Variants in ZDHHC5 observed in about 807,000 individuals in gnomAD.
ZDHHC5 encodes the protein palmitoyltransferase ZDHHC5.
In ZDHHC5, 22 loss-of-function variants were observed where a neutral mutation model predicts 70.0. The observed-to-expected ratio is 0.31, with a 90% CI of 0.22 to 0.45. The LOEUF (loss-of-function observed/expected upper bound fraction) is 0.45, where lower values mean the gene tolerates loss of function less well. Among genes scored for constraint, ZDHHC5 ranks in the 20% least tolerant of loss-of-function variants. The probability of loss-of-function intolerance (pLI) is 1.00; values close to 1 mark genes in which losing one functional copy is unlikely to be tolerated. For missense variants in ZDHHC5, 746 were observed against 926.9 expected (o/e 0.80, Z 2.53); for synonymous variants, 313 against 347.8 (o/e 0.90, Z 1.11).
chr11:57,670,036 A>G (rs1030494293), intron 1 of ZDHHC5, among the ~76,000 whole-genome samples: 2 of 152,222 alleles, frequency 1.3e-5, no homozygotes, highest in Admixed American at 6.5e-5. Flanking sequence ...TACTATGTCA[A>G]TATTAGTCCA....
chr11:57,696,708 T>C, intron 9 of ZDHHC5, 53 bp from the exon 10 acceptor site: 1 of 1,549,006 alleles, frequency 6.5e-7, no homozygotes, highest in African/African-American at 1.4e-5. Context: ...CCCTGTCTCT[T>C]AAACCAAAAA....
intron 7 of ZDHHC5, among the ~76,000 whole-genome samples, chr11:57,692,971 G>A (rs949754463): frequency 1.3e-5 from 2 of 152,094 alleles, no homozygotes; most frequent in African/African-American, 4.8e-5. Flanking sequence ...GATGGGGGCT[G>A]GGGTGGGGTG....
At position 57,668,171 on chromosome 11, in the gene ZDHHC5, G is replaced by C; in HGVS notation, c.-1087G>C. On this transcript the variant is annotated 5_prime_UTR_variant, in exon 1 of 12. Coordinates refer to ENST00000287169, the MANE Select transcript of ZDHHC5 (RefSeq NM_015457.3). ...CGGTGACAACGACGGCGGTGGTGAC[G>C]GGCACCGGGCTCGCGGGTGAGTGCG... 1 of 367,778 alleles carries C rather than the reference G, an allele frequency of 2.7e-6. No individual in the cohort carries two copies. 22.8% of individuals were successfully genotyped at this position (367,778 alleles called of 1,614,324 possible). A position where few individuals can be genotyped will look rare whatever the true frequency, so the allele number is the denominator to read the frequency against.
chr11:57,682,386 A>G, intron 2 of ZDHHC5, 36 bp from the exon 3 acceptor site: 1 of 1,588,150 alleles, frequency 6.3e-7, no homozygotes, highest in Non-Finnish European at 8.6e-7. Flanking sequence ...CCAAAATATT[A>G]GAGGCAACCC....
In ZDHHC5 at chr11:57,692,627, G is replaced by A. The variant is rs772593175; in HGVS notation, c.677G>A (p.Arg226Gln). 1.1e-5 allele frequency: 17 copies of A among 1,613,894 alleles called. No individual in the cohort carries two copies. The highest frequency in any genetic ancestry group is 6.6e-5 in the South Asian group (6 of 91,078). The change falls in exon 7 of 12, where the codon CGG (arginine) becomes CAG (glutamine). Residue 226 changes from arginine (R) to glutamine (Q), a missense_variant. By Grantham distance (43) the Arg-to-Gln change is conservative. Coordinates refer to ENST00000287169, the MANE Select transcript of ZDHHC5 (RefSeq NM_015457.3). ...TTNEQVTGKF[R>Q]GGVNPFTNGC... ...TCCCTCTAGGTTACGGGTAAATTCCGGGGAGGTGTGAACCCCTTCACCAAT... is the reference window on the plus strand; with the variant it reads ...TCCCTCTAGGTTACGGGTAAATTCCAGGGAGGTGTGAACCCCTTCACCAAT...
chr11:57,696,604 G>C (rs930971870), intron 9 of ZDHHC5, among the ~76,000 whole-genome samples, 157 bp from the exon 10 acceptor site: 1 of 152,164 alleles, frequency 6.6e-6, no homozygotes, highest in African/African-American at 2.4e-5. Flanking sequence ...TGCAGTCCCA[G>C]CTACTCAGGA....
At chr11:57,688,800 A>T in intron 4 of ZDHHC5, 135 bp downstream of exon 4, 1 of 942,958 alleles carries the variant, frequency 1.1e-6, no homozygotes, top group Non-Finnish European at 1.4e-6. Context: ...GCTCTGTCAA[A>T]TGGTGTTAAT....
intron 3 of ZDHHC5, among the ~76,000 whole-genome samples, chr11:57,684,477 C>T (rs1185494390): frequency 1.3e-5 from 2 of 152,036 alleles, no homozygotes; most frequent in South Asian, 2.1e-4. Flanking sequence ...CCCAGCTACT[C>T]GGGAGGGTGA....
chr11:57,695,629 ATAAAG>A (rs1192509457), intron 8 of ZDHHC5, among the ~76,000 whole-genome samples: 3 of 151,448 alleles, frequency 2.0e-5, no homozygotes, highest in African/African-American at 7.3e-5. Context: ...TCTCTACAAA[ATAAAG>A]TAAAATAAAT....
intron 2 of ZDHHC5, among the ~76,000 whole-genome samples, chr11:57,674,531 T>C (rs955815589): frequency 2.6e-5 from 4 of 152,114 alleles, no homozygotes; most frequent in African/African-American, 7.2e-5. Flanking sequence ...TGAAGTGTTA[T>C]TCAGAGCAAC....
intron 8 of ZDHHC5, among the ~76,000 whole-genome samples, chr11:57,694,971 A>C (rs1418117808): frequency 6.6e-6 from 1 of 152,064 alleles, no homozygotes; most frequent in Non-Finnish European, 1.5e-5. Flanking sequence ...AAAAAATAGA[A>C]AAATTTTCTG....
Position 57,699,978 on chromosome 11 carries a change from G to A in ZDHHC5, c.2095G>A (p.Gly699Arg). 1 of 1,613,240 alleles carries A rather than the reference G, an allele frequency of 6.2e-7. No homozygotes were observed. Among genetic ancestry groups the A allele is most frequent in the Non-Finnish European group, 8.5e-7 (1 of 1,179,606 alleles). Reference sequence around the variant, plus strand: ...ACCTCTCAGTAGCCCCACGAGGGGAGGAGTCAAGAAGGTGTCAGGGGTTGG... The same window carrying A: ...ACCTCTCAGTAGCCCCACGAGGGGAAGAGTCAAGAAGGTGTCAGGGGTTGG... ...QPPLSSPTRG[G>R]VKKVSGVGGT... is the part of the protein sequence containing the mutation. Residue 699 changes from glycine (G) to arginine (R), a missense_variant, in exon 12 of 12, where the codon GGA becomes AGA. Transcript: ENST00000287169.
At chr11:57,690,543 C>G (rs1946270321) in intron 6 of ZDHHC5, 106 bp downstream of exon 6, 2 of 1,177,074 alleles carry the variant, frequency 1.7e-6, no homozygotes, top group Admixed American at 3.6e-5. Flanking sequence ...TTAATGAATA[C>G]TTTTCATGAT....
At chr11:57,680,689 G>GGCTCT (rs1946138666) in intron 2 of ZDHHC5, among the ~76,000 whole-genome samples, 1 of 152,122 alleles carries the variant, frequency 6.6e-6, no homozygotes, top group Non-Finnish European at 1.5e-5. Flanking sequence ...ACTAGGGAGG[G>GGCTCT]GCTCTGACCT....
rs1032703686 is a variant in ZDHHC5, at chr11:57,698,990, G to C, written c.1554G>C (p.Leu518Phe). 1 of 1,610,240 alleles carries C rather than the reference G, an allele frequency of 6.2e-7. No individual in the cohort carries two copies. The highest frequency in any genetic ancestry group is 1.3e-5 in the African/African-American group (1 of 74,878). Residue 518 changes from leucine to phenylalanine, a missense_variant, in exon 11 of 12, where the codon TTG becomes TTC. By Grantham distance (22) the Leu-to-Phe change is conservative. Transcript: ENST00000287169. ...QQREAERHPRLVPTGPTHREP... is the reference protein window; with the variant it reads ...QQREAERHPRFVPTGPTHREP... ...GGGAAGCTGAGAGGCACCCACGTTT[G>C]GTGCCAACTGGCCCAACACACCGAG...
At chr11:57,692,850 G>GGTACT in intron 7 of ZDHHC5, 148 bp downstream of exon 7, 1 of 760,524 alleles carries the variant, frequency 1.3e-6, no homozygotes, top group Non-Finnish European at 2.1e-6. Context: ...TCTTAGAATG[G>GGTACT]TAAGTAGTCT....
rs139684470 is a variant in ZDHHC5 at position 57,678,366 on chromosome 11, C to T, written c.105-4056C>T. Among the ~76,000 whole-genome samples the T allele has an allele frequency of 1.6e-3, 249 of 152,026 alleles. 1 individual carries two copies. Among genetic ancestry groups the T allele is most frequent in the Non-Finnish European group, 2.8e-3 (193 of 67,964 alleles). The stretch of plus-strand genomic sequence containing the variant: ...CAGGCAGATCAGGAGGTCAGGAGAT[C>T]GAGACCATCCTGGCTAACACGGTGA... On this transcript the variant is annotated intron_variant, in intron 2 of 11. Coordinates refer to ENST00000287169, the MANE Select transcript of ZDHHC5 (RefSeq NM_015457.3).
At chr11:57,668,706 G>A (rs1945959780) in intron 1 of ZDHHC5, 1 of 152,578 alleles carries the variant, frequency 6.6e-6, no homozygotes, top group Non-Finnish European at 1.5e-5. Context: ...TTTGGCTCAA[G>A]CTTCATCCTG....
At chr11:57,688,761 C>G in intron 4 of ZDHHC5, 96 bp downstream of exon 4, 3 of 1,370,872 alleles carry the variant, frequency 2.2e-6, no homozygotes, top group Admixed American at 5.6e-5. Context: ...TGGTATAGTC[C>G]TGTCTAACTA....
Sources: gnomAD v4.1 joint callset for allele counts (sites outside exome capture counted in the v4.1 genomes callset) on GRCh38, gnomAD v4.1.1 for gene constraint, MANE v1.5 for transcripts, NCBI Gene and HGNC (gene_info 2026-07-23, HGNC 2026-07-21) for gene names.